Variants in BMPR1B observed in about 807,000 individuals in gnomAD.
BMPR1B encodes bone morphogenetic protein receptor type 1B.
BMPR1B carries 12 observed loss-of-function variants against 59.1 expected under a neutral mutation model. The observed-to-expected ratio is 0.20, with a 90% CI of 0.13 to 0.33. The LOEUF (loss-of-function observed/expected upper bound fraction) is 0.33. Ranked by LOEUF, BMPR1B falls within the 10% of genes least tolerant of loss-of-function variation. BMPR1B has a pLI of 1.00. For missense variants in BMPR1B, 550 were observed against 610.9 expected (o/e 0.90, Z 1.05); for synonymous variants, 237 against 207.3 (o/e 1.14, Z -1.23).
At chr4:94,880,901 G>T (rs1726939358) in intron 2 of BMPR1B, among the ~76,000 whole-genome samples, 1 of 152,074 alleles carries the variant, frequency 6.6e-6, no homozygotes, top group African/African-American at 2.4e-5. Context: ...CTCCCAAAGT[G>T]CTGAGATTAT....
At chr4:95,062,164 A>G (rs1727449930) in intron 3 of BMPR1B, among the ~76,000 whole-genome samples, 1 of 152,094 alleles carries the variant, frequency 6.6e-6, no homozygotes, top group South Asian at 2.1e-4. Flanking sequence ...ATAGCAGTGT[A>G]AGAACAGACT....
chr4:94,895,530 T>C (rs1223692238), intron 2 of BMPR1B, among the ~76,000 whole-genome samples: 1 of 151,896 alleles, frequency 6.6e-6, no homozygotes, highest in African/African-American at 2.4e-5. Flanking sequence ...CTTTTAAGAA[T>C]TGTTCTAATA....
chr4:94,974,367 T>A (rs1578869028), intron 2 of BMPR1B, among the ~76,000 whole-genome samples: 1 of 64,254 alleles, frequency 1.6e-5, no homozygotes, highest in Non-Finnish European at 2.9e-5. Context: ...TCAAATATCA[T>A]TTTTTTTCAT....
intron 5 of BMPR1B, 52 bp from the exon 6 acceptor site, chr4:95,115,633 G>T: frequency 1.4e-6 from 2 of 1,473,164 alleles, no homozygotes; most frequent in South Asian, 2.3e-5. Flanking sequence ...TAGATGATTT[G>T]ACTTTGAAAT....
intron 1 of BMPR1B, among the ~76,000 whole-genome samples, chr4:94,787,488 G>A (rs1254684815): frequency 6.6e-6 from 1 of 152,328 alleles, no homozygotes; most frequent in Middle Eastern, 3.4e-3. Context: ...TGGAAGGACA[G>A]TGAGAGGAGT....
At chr4:95,102,637 A>G (rs1012639362) in intron 3 of BMPR1B, among the ~76,000 whole-genome samples, 6 of 152,158 alleles carry the variant, frequency 3.9e-5, no homozygotes, top group Admixed American at 2.0e-4. Context: ...GTACACCTAC[A>G]CACTCTACCC....
chr4:94,844,128 A>T (rs1042084749), intron 1 of BMPR1B, among the ~76,000 whole-genome samples: 24 of 152,286 alleles, frequency 1.6e-4, no homozygotes, highest in African/African-American at 5.8e-4. Context: ...TGTATTGCAT[A>T]CTTGAAATTT....
At chr4:95,055,389 G>A (rs1262139706) in intron 3 of BMPR1B, among the ~76,000 whole-genome samples, 1 of 152,072 alleles carries the variant, frequency 6.6e-6, no homozygotes, top group African/African-American at 2.4e-5. Flanking sequence ...ATATTGCTAT[G>A]CGGCATCAGT....
At chr4:95,000,995 G>T (rs1016172533) in intron 3 of BMPR1B, among the ~76,000 whole-genome samples, 4 of 152,098 alleles carry the variant, frequency 2.6e-5, no homozygotes, top group Non-Finnish European at 2.9e-5. Flanking sequence ...TTATCAATGG[G>T]CAGTTGTGGC....
chr4:95,039,097 T>C lies in BMPR1B; in HGVS notation c.-18+42963T>C, dbSNP rs140650252. Among the ~76,000 whole-genome samples the C allele has an allele frequency of 9.8e-5, 15 of 152,348 alleles. 1 individual carries two copies. Among genetic ancestry groups the C allele is most frequent in the African/African-American group, 3.4e-4 (14 of 41,576 alleles). On this transcript the variant is annotated intron_variant, in intron 3 of 12. Transcript: ENST00000515059. ...AATGTCTCTGTAACTAAGGCTCTTA[T>C]ATTGACAAGAATAGTAATAGAATTT...
rs147116926 is a variant in BMPR1B, at chr4:95,083,493, GGT to G, written c.-17-20904_-17-20903del. 7.4e-4 allele frequency among the ~76,000 whole-genome samples: 112 copies of G among 152,082 alleles called. 2 individuals carry two copies. The East Asian group carries it at 0.021, about 28-fold the overall frequency. Reference sequence around the variant, plus strand: ...AGTTTAGCTGAAGTGATTTAAAAAGGGTGTGTGTGTGTTAGAGGGGAAAAGGA... The same window carrying G: ...AGTTTAGCTGAAGTGATTTAAAAAGGGTGTGTGTGTTAGAGGGGAAAAGGA... On this transcript the variant is annotated intron_variant, in intron 3 of 12. Transcript: ENST00000515059.
At chr4:94,840,478 C>T (rs1725012317) in intron 1 of BMPR1B, among the ~76,000 whole-genome samples, 1 of 146,506 alleles carries the variant, frequency 6.8e-6, no homozygotes, top group Admixed American at 6.8e-5. Flanking sequence ...TTCTTTTTTT[C>T]TCTAAACTTC....
intron 3 of BMPR1B, among the ~76,000 whole-genome samples, chr4:95,089,718 T>C (rs976032744): frequency 7.9e-5 from 12 of 152,066 alleles, no homozygotes; most frequent in African/African-American, 2.7e-4. Context: ...AATTCAGATC[T>C]CTCCTTAGTG....
chr4:94,759,155 A>G (rs1721658113), intron 1 of BMPR1B, among the ~76,000 whole-genome samples: 1 of 152,132 alleles, frequency 6.6e-6, no homozygotes, highest in African/African-American at 2.4e-5. Flanking sequence ...CTGAATGGAA[A>G]CGCTGCAGTT....
intron 10 of BMPR1B, among the ~76,000 whole-genome samples, chr4:95,136,594 T>A (rs1733807304): frequency 6.6e-6 from 1 of 152,200 alleles, no homozygotes; most frequent in African/African-American, 2.4e-5. Flanking sequence ...CAGAGCCTGT[T>A]ATTAGTCTAT....
intron 1 of BMPR1B, among the ~76,000 whole-genome samples, chr4:94,833,330 C>T (rs11946778): frequency 0.63 from 95,816 of 152,030 alleles, 31,647 homozygotes; most frequent in African/African-American, 0.84. Context: ...TTAGCAATTA[C>T]CATTTTTCAT....
chr4:95,137,186 G>T (rs889538338), intron 10 of BMPR1B, among the ~76,000 whole-genome samples: 8 of 152,068 alleles, frequency 5.3e-5, no homozygotes, highest in Non-Finnish European at 1.2e-4. Context: ...AGTCATTCAG[G>T]AGCAGGTTCA....
At chr4:94,905,334 T>G (rs1405069783) in intron 2 of BMPR1B, among the ~76,000 whole-genome samples, 1 of 152,036 alleles carries the variant, frequency 6.6e-6, no homozygotes, top group Non-Finnish European at 1.5e-5. Flanking sequence ...CTTATTGCCA[T>G]TTGGTATTGC....
chr4:95,127,992 C>G (rs921598909), intron 8 of BMPR1B, among the ~76,000 whole-genome samples: 3 of 151,838 alleles, frequency 2.0e-5, no homozygotes, highest in Non-Finnish European at 4.4e-5. Context: ...TCAAGCGATC[C>G]TCCCACCTCA....
Sources: allele counts gnomAD v4.1 joint callset (sites outside exome capture counted in the v4.1 genomes callset), GRCh38; gene constraint gnomAD v4.1.1; transcripts MANE v1.5; gene names NCBI Gene and HGNC (gene_info 2026-07-23, HGNC 2026-07-21).